The following FRMD4A variants were observed in gnomAD, a reference collection of about 807,000 sequenced individuals.
FRMD4A encodes the protein FERM domain containing 4A.
Under a neutral mutation model 129.1 loss-of-function variants are expected in FRMD4A, and 29 were observed. That is an observed-to-expected ratio of 0.22 (90% CI 0.17 to 0.31). FRMD4A has a LOEUF of 0.31. FRMD4A is among the 10% of genes least tolerant of loss of function. The pLI is 1.00. For synonymous variants in FRMD4A, 634 were observed against 571.6 expected (o/e 1.11, Z -1.56); for missense variants, 1,272 against 1,375.8 (o/e 0.92, Z 1.19).
intron 19 of FRMD4A, among the ~76,000 whole-genome samples, chr10:13,662,969 G>C (rs150752190): frequency 1.1e-4 from 17 of 152,140 alleles, no homozygotes; most frequent in African/African-American, 3.9e-4. Context: ...CCAGCACTTT[G>C]GGAGGCCGAG....
intron 2 of FRMD4A, among the ~76,000 whole-genome samples, chr10:13,978,839 G>A (rs1173530984): frequency 6.6e-6 from 1 of 152,302 alleles, no homozygotes; most frequent in African/African-American, 2.4e-5. Context: ...TACAGGAGAG[G>A]CAGGAGCTGC....
chr10:13,757,315 T>C (rs924704324), intron 8 of FRMD4A, among the ~76,000 whole-genome samples: 14 of 152,242 alleles, frequency 9.2e-5, no homozygotes, highest in Non-Finnish European at 1.3e-4. Flanking sequence ...GAAATGAGAT[T>C]ACTACATGCT....
chr10:13,788,370 C>A (rs2092917597), intron 5 of FRMD4A, among the ~76,000 whole-genome samples: 1 of 152,210 alleles, frequency 6.6e-6, no homozygotes. Context: ...GCTCTCCCAG[C>A]CTTGCCCGTT....
intron 2 of FRMD4A, among the ~76,000 whole-genome samples, chr10:14,212,158 C>A (rs186476523): frequency 6.6e-6 from 1 of 152,126 alleles, no homozygotes; most frequent in African/African-American, 2.4e-5. Flanking sequence ...CAGCACCACA[C>A]CCCTCACCTT....
At chr10:13,783,118 A>G (rs2092775966) in intron 5 of FRMD4A, 112 bp from the exon 6 acceptor site, 1 of 679,356 alleles carries the variant, frequency 1.5e-6, no homozygotes, top group African/African-American at 1.8e-5. Flanking sequence ...TCCTAAATAA[A>G]CAAAGGAAAA....
intron 2 of FRMD4A, among the ~76,000 whole-genome samples, chr10:14,060,319 G>A (rs551003533): frequency 1.2e-3 from 184 of 152,262 alleles, no homozygotes; most frequent in African/African-American, 4.0e-3. Context: ...CACAACCAGC[G>A]GGAGGTTGGC....
chr10:13,983,837 T>TAA (rs397946522), intron 2 of FRMD4A, among the ~76,000 whole-genome samples: 29 of 143,876 alleles, frequency 2.0e-4, no homozygotes, highest in Admixed American at 1.1e-3. Context: ...TCGTCTCTAC[T>TAA]AAAAAAAAAA....
chr10:13,752,532 G>T (rs759111183), intron 8 of FRMD4A, among the ~76,000 whole-genome samples: 1 of 152,190 alleles, frequency 6.6e-6, no homozygotes, highest in Non-Finnish European at 1.5e-5. Flanking sequence ...AACAGAATAG[G>T]CTTAGCGTGA....
chr10:13,891,858 G>T, intron 2 of FRMD4A: 1 of 489,960 alleles, frequency 2.0e-6, no homozygotes, highest in South Asian at 8.6e-5. Flanking sequence ...GCGCCAGTGA[G>T]CCCCGCCGCC....
chr10:14,199,459 A>C (rs1842568740), intron 2 of FRMD4A, among the ~76,000 whole-genome samples: 1 of 148,454 alleles, frequency 6.7e-6, no homozygotes, highest in South Asian at 2.1e-4. Flanking sequence ...GCTCAATCTC[A>C]ACTCACTGCA....
At chr10:13,812,589 A>G (rs2093467609) in intron 3 of FRMD4A, among the ~76,000 whole-genome samples, 1 of 152,238 alleles carries the variant, frequency 6.6e-6, no homozygotes, top group South Asian at 2.1e-4. Flanking sequence ...TTAGACTTTT[A>G]ACAGGGACAC....
rs1564542117 is a variant in FRMD4A at position 13,660,485 on chromosome 10, G to A, written c.1729C>T (p.Pro577Ser). The change falls in exon 20 of 25, where the codon CCG becomes TCG. Residue 577 changes from proline to serine, a missense_variant. By Grantham distance (74) the Pro-to-Ser change is moderately conservative (BLOSUM62 -1). Transcript: ENST00000357447. ...SPHKGLPPRP[P>S]SHNRPPPPQS... ...GGAGGAGGAGGCCTGTTGTGCGACG[G>A]TGGCCGAGGAGGGAGTCCCTTGTGA... 2 of 1,614,160 alleles carry A rather than the reference G, an allele frequency of 1.2e-6. No individual in the cohort carries two copies. The highest frequency in any genetic ancestry group is 4.5e-5 in the East Asian group (2 of 44,880).
At chr10:13,921,040 A>C (rs2095064961) in intron 2 of FRMD4A, among the ~76,000 whole-genome samples, 1 of 152,152 alleles carries the variant, frequency 6.6e-6, no homozygotes, top group African/African-American at 2.4e-5. Flanking sequence ...TTCTATTATG[A>C]ATAATAGCAA....
rs530689411 is a variant in FRMD4A at position 13,906,255 on chromosome 10, T to C, written c.46-47343A>G. On this transcript the variant is annotated intron_variant, in intron 2 of 24. Coordinates refer to ENST00000357447, the MANE Select transcript of FRMD4A (RefSeq NM_018027.5). ...TGAATCTTCCAGAAGGGCCTTTTTTTATCTGTCTATATAGCAGGCTGAAAC... is the reference window on the plus strand; with the variant it reads ...TGAATCTTCCAGAAGGGCCTTTTTTCATCTGTCTATATAGCAGGCTGAAAC... Among the ~76,000 whole-genome samples, 5 of 152,360 alleles carry C rather than the reference T, an allele frequency of 3.3e-5. No homozygotes were observed. The South Asian group carries it at 1.0e-3, about 32-fold the overall frequency.
chr10:14,297,523 A>G (rs1443087159), intron 2 of FRMD4A, among the ~76,000 whole-genome samples: 1 of 152,164 alleles, frequency 6.6e-6, no homozygotes, highest in Admixed American at 6.5e-5. Context: ...TTCATTTGTG[A>G]GGTGAACAAA....
intron 2 of FRMD4A, among the ~76,000 whole-genome samples, chr10:14,130,093 C>G (rs10906604): frequency 0.26 from 39,977 of 152,096 alleles, 6,219 homozygotes; most frequent in East Asian, 0.51. Context: ...TTCCCAGCCT[C>G]CTGAGTCCCT....
intron 2 of FRMD4A, among the ~76,000 whole-genome samples, chr10:13,919,427 C>G (rs1205059516): frequency 1.3e-5 from 2 of 152,024 alleles, no homozygotes; most frequent in African/African-American, 2.4e-5. Context: ...AGAAAGAAAA[C>G]TTAGAAAAAT....
intron 2 of FRMD4A, among the ~76,000 whole-genome samples, chr10:14,101,005 C>T (rs1302295058): frequency 2.0e-5 from 3 of 152,138 alleles, no homozygotes; most frequent in East Asian, 1.9e-4. Flanking sequence ...ACTTCAGGCC[C>T]CAAACTCCAG....
chr10:13,994,595 T>C (rs564473267), intron 2 of FRMD4A, among the ~76,000 whole-genome samples: 111 of 152,322 alleles, frequency 7.3e-4, no homozygotes, highest in African/African-American at 2.6e-3. Flanking sequence ...CTTTTACTTG[T>C]AGAAATTGAA....
Sources: allele counts gnomAD v4.1 joint callset (sites outside exome capture counted in the v4.1 genomes callset), GRCh38; gene constraint gnomAD v4.1.1; transcripts MANE v1.5; gene names NCBI Gene and HGNC (gene_info 2026-07-23, HGNC 2026-07-21).